TAF6: variants seen among roughly 807,000 people sequenced by gnomAD.
TAF6 encodes the protein transcription initiation factor TFIID subunit 6.
A neutral mutation model predicts 73.5 loss-of-function variants in TAF6; 50 were observed. The observed-to-expected ratio is 0.68, with a 90% CI of 0.54 to 0.86. The LOEUF (loss-of-function observed/expected upper bound fraction) is 0.86. TAF6 is among the 40% of genes least tolerant of loss of function. The pLI is 0.00. For missense variants in TAF6, 768 were observed against 899.5 expected, an observed-to-expected ratio of 0.85 and a Z score of 1.87; for synonymous variants, 424 against 376.7, an observed-to-expected ratio of 1.13 and a Z score of -1.45.
In TAF6 at chr7:100,119,209, T is replaced by A; in HGVS notation, c.-65A>T. ...AGCACAGACACACAACCAACCGTCCTCTTTCCAGTCCCCACAAGGGACCTT... is the reference window on the plus strand; with the variant it reads ...AGCACAGACACACAACCAACCGTCCACTTTCCAGTCCCCACAAGGGACCTT... On this transcript the variant is annotated 5_prime_UTR_variant, in exon 1 of 15. Transcript: ENST00000453269. The A allele has an allele frequency of 1.0e-6, 1 of 991,508 alleles. No individual in the cohort carries two copies. The highest frequency in any genetic ancestry group is 4.3e-5 in the South Asian group (1 of 23,208). The allele number at this position is 991,508 out of a possible 1,614,324, so 61.4% of individuals were successfully genotyped here.
upstream of TAF6, among the ~76,000 whole-genome samples, chr7:100,123,215 G>A (rs1315330763): frequency 2.0e-5 from 3 of 151,912 alleles, no homozygotes; most frequent in African/African-American, 7.3e-5. Flanking sequence ...GGTGGTGCAC[G>A]CCTGTGATCC....
In TAF6 at chr7:100,113,781, G is replaced by A; in HGVS notation, c.244-12C>T. The A allele has an allele frequency of 6.2e-7, 1 of 1,613,852 alleles. No individual in the cohort carries two copies. The highest frequency in any genetic ancestry group is 1.1e-5 in the South Asian group (1 of 91,058). On this transcript the variant is annotated splice_polypyrimidine_tract_variant and intron_variant, in intron 3 of 14. Transcript: ENST00000453269. ...AAGCCATAGAGTGGCTGTGGCAGGA[G>A]AGAGGGGCATGGGTAAGAAGGGAGC...
the TAF6 span, chr7:100,124,875 GAGA>G: frequency 6.9e-6 from 11 of 1,597,880 alleles, no homozygotes; most frequent in African/African-American, 1.3e-5. Context: ...AAACTTGACC[GAGA>G]AGATCTTTGA....
upstream of TAF6, among the ~76,000 whole-genome samples, chr7:100,123,905 C>G (rs552892849): frequency 6.6e-6 from 1 of 152,096 alleles, no homozygotes; most frequent in Admixed American, 6.5e-5. Flanking sequence ...GCGAGACAGG[C>G]GGATCACGAC....
In TAF6 at chr7:100,110,263, G is replaced by A. The variant is rs137973712; in HGVS notation, c.1095C>T (p.Asp365=). The stretch of plus-strand genomic sequence containing the variant: ...AACGAGTCGTCCAGGGCGTCTTCTC[G>A]TCCACCCAGCTCTGTAAGGGGAAGG... ...ITKTFTKSWV[D]EKTPWTTRYG... Residue 365 remains aspartate (D), a synonymous_variant, in exon 11 of 15, where the codon GAC becomes GAT. Transcript: ENST00000453269. The A allele has an allele frequency of 2.0e-5, 33 of 1,614,034 alleles. No homozygotes were observed. Among genetic ancestry groups the A allele is most frequent in the South Asian group, 1.1e-4 (10 of 91,082 alleles).
rs374236355 is a variant in TAF6 at position 100,113,680 on chromosome 7, C to T, written c.333G>A (p.Glu111=). 3.1e-5 allele frequency: 50 copies of T among 1,614,014 alleles called. No homozygotes were observed. In the Middle Eastern group the frequency reaches 1.2e-3, roughly 37 times the overall value. The change falls in exon 4 of 15, where the codon GAG becomes GAA. Residue 111 remains glutamate (E), a synonymous_variant. Transcript: ENST00000453269. ...GRELYFYEEK[E]VDLSDIINTP... ...TATTGATGATGTCGCTCAGATCAAC[C>T]TCCTTCTCCTCATAGAAGTAAAGCT...
At chr7:100,125,210 A>G in the TAF6 span, 1 of 280,456 alleles carries the variant, frequency 3.6e-6, no homozygotes, top group Non-Finnish European at 6.7e-6. Context: ...GTGGCACTGG[A>G]GCTGTGGGCT....
Position 100,108,139 on chromosome 7 carries a change from G to T in TAF6, c.1459-16C>A, listed in dbSNP as rs1554383985. 1.1e-5 allele frequency: 17 copies of T among 1,581,384 alleles called. No homozygotes were observed. Among genetic ancestry groups the T allele is most frequent in the Non-Finnish European group, 1.4e-5 (16 of 1,168,046 alleles). ...TGGGCCGGGGCTGCGGGGAGAAGAG[G>T]AAAGGGGGAAGTGGCACCATCTACT... On this transcript the variant is annotated splice_polypyrimidine_tract_variant and intron_variant, in intron 13 of 14. Coordinates refer to ENST00000453269, the MANE Select transcript of TAF6 (RefSeq NM_139315.3).
In TAF6 at chr7:100,113,946, C is replaced by T. The variant is rs749987027; in HGVS notation, c.165G>A (p.Leu55=). 3 of 1,614,048 alleles carry T rather than the reference C, an allele frequency of 1.9e-6. No homozygotes were observed. The highest frequency in any genetic ancestry group is 4.5e-5 in the East Asian group (2 of 44,876). Reference sequence around the variant, plus strand: ...GCCGCTTCCCCATGTGCATGAACTTCAAGGCATCCTGGGGTCGGTGACAGA... The same window carrying T: ...GCCGCTTCCCCATGTGCATGAACTTTAAGGCATCCTGGGGTCGGTGACAGA... ...YRIKEIAQDA[L]KFMHMGKRQK... Residue 55 remains leucine, a synonymous_variant, in exon 3 of 15, where the codon TTG becomes TTA. Coordinates refer to ENST00000453269, the MANE Select transcript of TAF6 (RefSeq NM_139315.3).
upstream of TAF6, chr7:100,119,596 C>T: frequency 2.0e-6 from 3 of 1,507,944 alleles, no homozygotes; most frequent in South Asian, 2.4e-5. Flanking sequence ...AGCAACGAGG[C>T]CCCACCCTTG....
Position 100,107,238 on chromosome 7 carries a change from G to A in TAF6, c.*8C>T, listed in dbSNP as rs1562915765. 2.6e-6 allele frequency: 4 copies of A among 1,521,580 alleles called. No individual in the cohort carries two copies. Among genetic ancestry groups the A allele is most frequent in the South Asian group, 1.3e-5 (1 of 75,480 alleles). The allele number at this position is 1,521,580 out of a possible 1,614,324, so 94.3% of individuals were successfully genotyped here. A position where few individuals can be genotyped will look rare whatever the true frequency, so the allele number is the denominator to read the frequency against. ...TGTGTGGGAATCCGGGGGCTGGCAG[G>A]TGGAGCATCACGGAGCAGGCTGAGG... On this transcript the variant is annotated 3_prime_UTR_variant, in exon 15 of 15. Coordinates refer to ENST00000453269, the MANE Select transcript of TAF6 (RefSeq NM_139315.3).
At chr7:100,126,582 C>T in the TAF6 span, 1 of 152,206 alleles carries the variant, frequency 6.6e-6, no homozygotes, top group Admixed American at 6.6e-5. Flanking sequence ...ATCGCTGGAG[C>T]CCAGGAGTTC....
intron 12 of TAF6, 41 bp from the exon 13 acceptor site, chr7:100,108,581 GA>G (rs1480811559): frequency 6.4e-7 from 1 of 1,558,794 alleles, no homozygotes; most frequent in Non-Finnish European, 8.7e-7. Context: ...GAGGGCTGGG[GA>G]AAAAAGCCAG....
upstream of TAF6, chr7:100,119,831 T>C (rs758790022): frequency 4.9e-5 from 79 of 1,613,704 alleles, no homozygotes; most frequent in South Asian, 5.6e-4. Context: ...AGGAGGACGA[T>C]GACACAGAAC....
At chr7:100,113,046 C>T (rs908289473) in intron 5 of TAF6, 129 bp from the exon 6 acceptor site, 23 of 1,341,850 alleles carry the variant, frequency 1.7e-5, no homozygotes, top group Non-Finnish European at 1.5e-5. Context: ...GGGTGGATCA[C>T]CTCAGGTCAG....
At chr7:100,124,914 G>C in the TAF6 span, 1 of 1,561,828 alleles carries the variant, frequency 6.4e-7, no homozygotes. Flanking sequence ...CCCCAGGAGG[G>C]GAAGGGATCA....
At position 100,119,241 on chromosome 7, in the gene TAF6, GTC is replaced by G. The variant is rs1228682361; in HGVS notation, c.-99_-98del. Reference sequence around the variant, plus strand: ...AGTCCCCACAAGGGACCTTCAAAGGGTCTCCTCCGGGGTACCACTCAGACCCG... The same window carrying G: ...AGTCCCCACAAGGGACCTTCAAAGGGTCCTCCGGGGTACCACTCAGACCCG... On this transcript the variant is annotated 5_prime_UTR_variant, in exon 1 of 15. Transcript: ENST00000453269. 1.0e-6 allele frequency: 1 copy of G among 1,004,054 alleles called. No homozygotes were observed. Among genetic ancestry groups the G allele is most frequent in the African/African-American group, 1.7e-5 (1 of 57,310 alleles). 62.2% of individuals were successfully genotyped at this position (1,004,054 alleles called of 1,614,324 possible).
the TAF6 span, chr7:100,124,885 T>C: frequency 1.2e-5 from 19 of 1,589,236 alleles, no homozygotes; most frequent in South Asian, 5.8e-5. Flanking sequence ...GAGAAGATCT[T>C]TGACCCTTGC....
Position 100,107,345 on chromosome 7 carries a change from C to G in TAF6, c.1935G>C (p.Gly645=). 2.6e-6 allele frequency: 4 copies of G among 1,550,992 alleles called. No homozygotes were observed. Among genetic ancestry groups the G allele is most frequent in the Non-Finnish European group, 2.6e-6 (3 of 1,147,598 alleles). ...GACTGTCCCCAGCCTCCTGCTTCCC[C>G]CCACAAAGGGCACTGCCGCTGAGTG... The part of the protein sequence containing the change: ...PSPLSGSALC[G]GKQEAGDSPP... The change falls in exon 15 of 15, where the codon GGG becomes GGC. Residue 645 remains glycine, a synonymous_variant. Transcript: ENST00000453269.
Sources: gnomAD v4.1 joint callset for allele counts (sites outside exome capture counted in the v4.1 genomes callset) on GRCh38, gnomAD v4.1.1 for gene constraint, MANE v1.5 for transcripts, NCBI Gene and HGNC (gene_info 2026-07-23, HGNC 2026-07-21) for gene names.